Variants in SLAIN1 observed in about 807,000 individuals in gnomAD.
The protein encoded by SLAIN1 is SLAIN motif-containing protein 1.
SLAIN1 carries 17 observed loss-of-function variants against 55.4 expected under a neutral mutation model. The observed-to-expected ratio is 0.31, with a 90% CI of 0.21 to 0.46. The LOEUF (loss-of-function observed/expected upper bound fraction) is 0.46, where lower values mean the gene tolerates loss of function less well. Ranked by LOEUF, SLAIN1 falls within the 20% of genes least tolerant of loss-of-function variation. The probability of loss-of-function intolerance (pLI) is 1.00; values close to 1 mark genes in which losing one functional copy is unlikely to be tolerated. For synonymous variants in SLAIN1, 348 were observed against 337.4 expected (o/e 1.03, Z -0.35); for missense variants, 682 against 785.1 (o/e 0.87, Z 1.57).
intron 1 of SLAIN1, among the ~76,000 whole-genome samples, chr13:77,713,292 A>G (rs891256384): frequency 6.6e-6 from 1 of 152,214 alleles, no homozygotes; most frequent in Non-Finnish European, 1.5e-5. Flanking sequence ...CAAAGCGCTA[A>G]TATCCAGAAT....
intron 2 of SLAIN1, among the ~76,000 whole-genome samples, chr13:77,740,656 AT>A (rs1162354805): frequency 6.6e-6 from 1 of 151,390 alleles, no homozygotes; most frequent in African/African-American, 2.4e-5. Flanking sequence ...CTTTAGAGCT[AT>A]TTCGGTCATC....
chr13:77,730,898 G>C (rs1417292466), intron 2 of SLAIN1, among the ~76,000 whole-genome samples: 1 of 152,034 alleles, frequency 6.6e-6, no homozygotes, highest in Non-Finnish European at 1.5e-5. Context: ...AAGTTTTTTG[G>C]TCATTTTTAA....
At chr13:77,742,819 T>C (rs1193525013) in intron 2 of SLAIN1, 2 of 166,676 alleles carry the variant, frequency 1.2e-5, no homozygotes, top group African/African-American at 4.8e-5. Flanking sequence ...AAAATGGATG[T>C]ATAAATAGGA....
intron 2 of SLAIN1, among the ~76,000 whole-genome samples, chr13:77,740,473 G>T (rs920145903): frequency 1.3e-5 from 2 of 151,810 alleles, no homozygotes; most frequent in African/African-American, 4.8e-5. Context: ...CTATTCTAGG[G>T]ATTGGAATAA....
At chr13:77,718,868 T>C (rs1005760099) in intron 1 of SLAIN1, among the ~76,000 whole-genome samples, 5 of 152,178 alleles carry the variant, frequency 3.3e-5, no homozygotes, top group African/African-American at 1.2e-4. Flanking sequence ...TAACTTGCAG[T>C]GCCTCCGGGT....
chr13:77,741,237 T>C (rs755437352), intron 2 of SLAIN1: 117 of 986,770 alleles, frequency 1.2e-4, no homozygotes, highest in Non-Finnish European at 1.4e-4. Context: ...CAAAGAACTA[T>C]TGGTCTTTTA....
Position 77,698,219 on chromosome 13 carries a change from G to A in SLAIN1, c.306G>A (p.Leu102=), listed in dbSNP as rs1298760211. The change falls in exon 1 of 7, where the codon CTG becomes CTA. Residue 102 remains leucine (L), a synonymous_variant. Coordinates refer to ENST00000418532, the MANE Select transcript of SLAIN1 (RefSeq NM_001242868.2). The surrounding 1 kb of genome is among the most constrained non-coding windows in gnomAD (Gnocchi z 4.1). ...GGGGCCTGGGGCTCGGGCTGGCGCT[G>A]GGCGCGGGGGGCGGTGGCGGCAGCG... ...ASGGLGLGLA[L]GAGGGGGSGS... The A allele has an allele frequency of 7.7e-7, 1 of 1,303,532 alleles. No individual in the cohort carries two copies. The highest frequency in any genetic ancestry group is 2.1e-5 in the South Asian group (1 of 47,654). 80.7% of individuals were successfully genotyped at this position (1,303,532 alleles called of 1,614,324 possible). A position where few individuals can be genotyped will look rare whatever the true frequency, so the allele number is the denominator to read the frequency against.
At chr13:77,747,764 T>C (rs1171974494) in intron 4 of SLAIN1, among the ~76,000 whole-genome samples, 2 of 152,162 alleles carry the variant, frequency 1.3e-5, no homozygotes, top group Non-Finnish European at 2.9e-5. Context: ...TAATGGGAAA[T>C]TGATCTGTCT....
intron 1 of SLAIN1, among the ~76,000 whole-genome samples, chr13:77,716,834 T>G (rs192632390): frequency 7.9e-5 from 12 of 152,268 alleles, no homozygotes; most frequent in Non-Finnish European, 1.5e-4. Context: ...ACAGATTTAC[T>G]TGTTTCTTTC....
chr13:77,709,730 G>T (rs549956333), intron 1 of SLAIN1, among the ~76,000 whole-genome samples: 3 of 152,264 alleles, frequency 2.0e-5, no homozygotes, highest in Admixed American at 1.3e-4. Context: ...CTCCAGTCCT[G>T]CCTTACAAGA....
intron 4 of SLAIN1, among the ~76,000 whole-genome samples, chr13:77,747,984 TA>T (rs1214156159): frequency 6.6e-6 from 1 of 152,066 alleles, no homozygotes; most frequent in African/African-American, 2.4e-5. Flanking sequence ...AACAAACCAA[TA>T]AAAAAATTTA....
chr13:77,734,772 C>T (rs1466174798), intron 2 of SLAIN1, among the ~76,000 whole-genome samples: 1 of 152,132 alleles, frequency 6.6e-6, no homozygotes, highest in African/African-American at 2.4e-5. Context: ...GTAATCCCAG[C>T]ACTTTTGGAG....
At chr13:77,738,263 CATATAT>C (rs917042921) in intron 2 of SLAIN1, among the ~76,000 whole-genome samples, 32 of 150,612 alleles carry the variant, frequency 2.1e-4, no homozygotes, top group Middle Eastern at 3.5e-3. Flanking sequence ...TATACATATA[CATATAT>C]ATATATTTTT....
At chr13:77,745,990 A>C (rs1303268743) in intron 3 of SLAIN1, among the ~76,000 whole-genome samples, 1 of 152,116 alleles carries the variant, frequency 6.6e-6, no homozygotes, top group Non-Finnish European at 1.5e-5. Context: ...GTGCTTTGAA[A>C]GAGATAATAT....
rs748673012 is a variant in SLAIN1, at chr13:77,753,350, A to C, written c.1406A>C (p.Gln469Pro). 6.3e-7 allele frequency: 1 copy of C among 1,592,838 alleles called. No homozygotes were observed. Residue 469 changes from glutamine (Q) to proline (P), a missense_variant, in exon 5 of 7, where the codon CAA becomes CCA. By Grantham distance (76) the Gln-to-Pro change is moderately conservative (BLOSUM62 -1). Transcript: ENST00000418532. ...HGAGNGISRI[Q>P]SCIPSPGQLQ... is the part of the protein sequence containing the mutation. The stretch of plus-strand genomic sequence containing the variant: ...GCTGGAAATGGAATTTCAAGAATAC[A>C]ATCTTGTAGTGAGTATAATTATTTG...
intron 2 of SLAIN1, among the ~76,000 whole-genome samples, chr13:77,742,092 T>C (rs1057361284): frequency 6.6e-6 from 1 of 151,782 alleles, no homozygotes; most frequent in African/African-American, 2.4e-5. Flanking sequence ...GGGATTTGTG[T>C]GTGTGTGTGT....
At chr13:77,744,516 G>C (rs1402445459) in intron 3 of SLAIN1, 84 bp downstream of exon 3, 4 of 1,592,232 alleles carry the variant, frequency 2.5e-6, no homozygotes, top group Non-Finnish European at 2.6e-6. Context: ...TTTCTCTCCA[G>C]GTAATGGGCA....
rs200905096 is a variant in SLAIN1 at position 77,760,961 on chromosome 13, C to A, written c.1548C>A (p.Asn516Lys). 1 of 1,614,150 alleles carries A rather than the reference C, an allele frequency of 6.2e-7. No individual in the cohort carries two copies. The highest frequency in any genetic ancestry group is 2.2e-5 in the East Asian group (1 of 44,878). Residue 516 changes from asparagine to lysine, a missense_variant, in exon 6 of 7, where the codon AAC becomes AAA. Physicochemically the swap from Asn to Lys is moderately conservative, Grantham distance 94. This residue lies in a region of SLAIN1 where 244 missense variants were observed against 295.2 expected (regional missense o/e 0.83). Transcript: ENST00000418532. ...GCAGCAGTAACATGCCTTTATCAAA[C>A]GGCTTACAGCTGTATTCCAACACAG... ...VQGSSNMPLSNGLQLYSNTGI... is the reference protein window; with the variant it reads ...VQGSSNMPLSKGLQLYSNTGI...
chr13:77,751,937 T>A (rs1379641465), intron 4 of SLAIN1, among the ~76,000 whole-genome samples: 2 of 152,130 alleles, frequency 1.3e-5, no homozygotes, highest in African/African-American at 2.4e-5. Context: ...GGATGTGTAT[T>A]GATCAAGGAA....
Sources: gnomAD v4.1 joint callset for allele counts (sites outside exome capture counted in the v4.1 genomes callset) on GRCh38, gnomAD v4.1.1 for gene constraint, gnomAD v4.1.1 regional missense constraint, Gnocchi (gnomAD v3.1) non-coding constraint, MANE v1.5 for transcripts, NCBI Gene and HGNC (gene_info 2026-07-23, HGNC 2026-07-21) for gene names.